SHISA6: variants seen among roughly 807,000 people sequenced by gnomAD.
SHISA6 encodes protein shisa-6.
SHISA6 carries 22 observed loss-of-function variants against 47.9 expected under a neutral mutation model. The observed-to-expected ratio is 0.46, with a 90% CI of 0.33 to 0.66. The LOEUF is 0.66. SHISA6 is among the 30% of genes least tolerant of loss of function. The pLI is 0.02. For synonymous variants in SHISA6, 388 were observed against 337.8 expected, an observed-to-expected ratio of 1.15 and a Z score of -1.63; for missense variants, 680 against 764.6, an observed-to-expected ratio of 0.89 and a Z score of 1.30.
chr17:11,283,159 ATACT>A (rs1262199554), intron 2 of SHISA6, among the ~76,000 whole-genome samples: 2 of 152,236 alleles, frequency 1.3e-5, no homozygotes, highest in African/African-American at 2.4e-5. Context: ...ATATTAACTG[ATACT>A]TACTGCTCTT....
chr17:11,316,475 C>T (rs1448202000), intron 2 of SHISA6, among the ~76,000 whole-genome samples: 1 of 137,718 alleles, frequency 7.3e-6, no homozygotes, highest in African/African-American at 2.7e-5. Flanking sequence ...GGCTGGAATG[C>T]AGTGGCGTGA....
intron 4 of SHISA6, 26 bp from the exon 5 acceptor site, chr17:11,555,714 C>A: frequency 6.6e-7 from 1 of 1,509,838 alleles, no homozygotes; most frequent in East Asian, 2.5e-5. Context: ...CTCATTAATA[C>A]AAAACACCCC....
intron 3 of SHISA6, among the ~76,000 whole-genome samples, chr17:11,523,723 C>T (rs1002732169): frequency 5.3e-5 from 8 of 152,088 alleles, no homozygotes; most frequent in Middle Eastern, 3.4e-3. Flanking sequence ...AAAAATAATA[C>T]GGCTGGGCGC....
At chr17:11,251,515 C>T (rs1907804557) in intron 1 of SHISA6, among the ~76,000 whole-genome samples, 1 of 151,846 alleles carries the variant, frequency 6.6e-6, no homozygotes, top group Non-Finnish European at 1.5e-5. Flanking sequence ...GTGAGGGGCA[C>T]AGGAGAGAAA....
At chr17:11,363,179 T>C (rs969459149) in intron 2 of SHISA6, among the ~76,000 whole-genome samples, 1 of 150,602 alleles carries the variant, frequency 6.6e-6, no homozygotes, top group African/African-American at 2.4e-5. Context: ...CATTCCTTCC[T>C]GGCCAGCTCC....
chr17:11,341,334 T>C (rs1254864571), intron 2 of SHISA6, among the ~76,000 whole-genome samples: 4 of 142,430 alleles, frequency 2.8e-5, no homozygotes, highest in African/African-American at 1.0e-4. Context: ...CTCTCTTTTT[T>C]TTTTTTTTTT....
chr17:11,535,434 T>C (rs1047748203), intron 3 of SHISA6, among the ~76,000 whole-genome samples: 8 of 152,184 alleles, frequency 5.3e-5, no homozygotes, highest in Admixed American at 1.3e-4. Flanking sequence ...AAGAATGCTG[T>C]CAGCAGGGAG....
At chr17:11,434,368 C>T (rs1472236658) in intron 3 of SHISA6, among the ~76,000 whole-genome samples, 1 of 152,134 alleles carries the variant, frequency 6.6e-6, no homozygotes, top group Admixed American at 6.5e-5. Context: ...TGGCTGGCAA[C>T]ACTTTTTCTA....
chr17:11,416,234 A>G (rs1470380006), intron 3 of SHISA6, among the ~76,000 whole-genome samples: 2 of 152,212 alleles, frequency 1.3e-5, no homozygotes, highest in Non-Finnish European at 2.9e-5. Context: ...TCCCATGAAC[A>G]AAAAGGGTCC....
intron 3 of SHISA6, among the ~76,000 whole-genome samples, chr17:11,395,449 G>A (rs1913536971): frequency 6.8e-6 from 1 of 148,032 alleles, no homozygotes; most frequent in Non-Finnish European, 1.5e-5. Flanking sequence ...TTCTTTTATT[G>A]CTTATTTTTA....
At chr17:11,417,241 C>G (rs1007877546) in intron 3 of SHISA6, among the ~76,000 whole-genome samples, 2 of 152,014 alleles carry the variant, frequency 1.3e-5, no homozygotes, top group Admixed American at 1.3e-4. Context: ...TGGGTTTTTT[C>G]AGAAAGATCA....
intron 3 of SHISA6, among the ~76,000 whole-genome samples, chr17:11,417,313 C>T (rs1411281005): frequency 1.3e-5 from 2 of 151,888 alleles, no homozygotes; most frequent in African/African-American, 4.8e-5. Flanking sequence ...TGGTTGATTC[C>T]GAAAACACAA....
At position 11,388,581 on chromosome 17, in the gene SHISA6, T is replaced by G. The variant is rs115690489; in HGVS notation, c.895+9072T>G. Among the ~76,000 whole-genome samples the G allele has an allele frequency of 6.3e-3, 951 of 151,782 alleles. 13 individuals carry two copies. The highest frequency in any genetic ancestry group is 0.021 in the African/African-American group (886 of 41,396). On this transcript the variant is annotated intron_variant, in intron 3 of 5. Coordinates refer to ENST00000441885, the MANE Select transcript of SHISA6 (RefSeq NM_207386.4). Reference sequence around the variant, plus strand: ...GTGCTCAGCTTTATTCAGTAGTGTTTCCCATGACCCTGGTTAGCACACACA... The same window carrying G: ...GTGCTCAGCTTTATTCAGTAGTGTTGCCCATGACCCTGGTTAGCACACACA...
At chr17:11,557,305 CAGAT>C (rs1465713937) in intron 5 of SHISA6, among the ~76,000 whole-genome samples, 3 of 152,216 alleles carry the variant, frequency 2.0e-5, no homozygotes, top group Non-Finnish European at 4.4e-5. Flanking sequence ...TTTAGTAAGA[CAGAT>C]AGTCATTCTG....
intron 2 of SHISA6, among the ~76,000 whole-genome samples, chr17:11,272,135 T>G (rs542971225): frequency 3.1e-4 from 47 of 152,234 alleles, no homozygotes; most frequent in Non-Finnish European, 5.3e-4. Flanking sequence ...GGGAACAGCT[T>G]CTTTTTTGGC....
intron 2 of SHISA6, among the ~76,000 whole-genome samples, chr17:11,303,353 G>C (rs1183286807): frequency 6.6e-6 from 1 of 152,000 alleles, no homozygotes; most frequent in East Asian, 1.9e-4. Flanking sequence ...TCGTGAGTAT[G>C]GTTGTGTGTG....
intron 3 of SHISA6, among the ~76,000 whole-genome samples, chr17:11,540,231 A>G (rs1342061587): frequency 6.6e-6 from 1 of 152,170 alleles, no homozygotes; most frequent in East Asian, 1.9e-4. Context: ...CACCCTTCTC[A>G]GTGCTCCTGG....
chr17:11,379,663 G>A (rs900533086), intron 3 of SHISA6, 154 bp downstream of exon 3: 10 of 535,056 alleles, frequency 1.9e-5, no homozygotes, highest in Admixed American at 7.9e-5. Context: ...CGTGGCTTCT[G>A]ACAGGAGTTA....
At chr17:11,457,225 C>T (rs1915565296) in intron 3 of SHISA6, among the ~76,000 whole-genome samples, 1 of 152,158 alleles carries the variant, frequency 6.6e-6, no homozygotes, top group African/African-American at 2.4e-5. Context: ...CCGTAGCTCC[C>T]CAGTGGTGTC....
Sources: allele counts gnomAD v4.1 joint callset (sites outside exome capture counted in the v4.1 genomes callset), GRCh38; gene constraint gnomAD v4.1.1; transcripts MANE v1.5; gene names NCBI Gene and HGNC (gene_info 2026-07-23, HGNC 2026-07-21).